CNTNAP2: variants seen among roughly 807,000 people sequenced by gnomAD.
CNTNAP2 encodes contactin-associated protein-like 2.
A neutral mutation model predicts 155.2 loss-of-function variants in CNTNAP2; 98 were observed. That is an observed-to-expected ratio of 0.63 (90% CI 0.54 to 0.75). The LOEUF (loss-of-function observed/expected upper bound fraction) is 0.75, where lower values mean the gene tolerates loss of function less well. Ranked by LOEUF, CNTNAP2 falls within the 30% of genes least tolerant of loss-of-function variation. The pLI, the probability that CNTNAP2 is intolerant of heterozygous loss-of-function variation, is 0.00. For missense variants in CNTNAP2, 1,727 were observed against 1,688.1 expected (o/e 1.02, Z -0.40); for synonymous variants, 651 against 631.2 (o/e 1.03, Z -0.47).
At chr7:147,062,343 G>T (rs1349322911) in intron 4 of CNTNAP2, among the ~76,000 whole-genome samples, 2 of 151,712 alleles carry the variant, frequency 1.3e-5, no homozygotes, top group African/African-American at 2.4e-5. Context: ...TTAATTCAAA[G>T]AATTATTCAC....
At position 148,332,339 on chromosome 7, in the gene CNTNAP2, C is replaced by G. The variant is rs1197120019; in HGVS notation, c.3476-51310C>G. Reference sequence around the variant, plus strand: ...TCTGGTTTCTGTGTGTTCCACCTTCCTATTTTATTCTTAGGATAATAGGAT... The same window carrying G: ...TCTGGTTTCTGTGTGTTCCACCTTCGTATTTTATTCTTAGGATAATAGGAT... On this transcript the variant is annotated intron_variant, in intron 21 of 23. Transcript: ENST00000361727. Among the ~76,000 whole-genome samples the G allele has an allele frequency of 2.6e-5, 4 of 152,082 alleles. No individual in the cohort carries two copies. The East Asian group carries it at 7.7e-4, about 29-fold the overall frequency.
chr7:146,583,910 T>C (rs7456095), intron 1 of CNTNAP2, among the ~76,000 whole-genome samples: 2,130 of 152,232 alleles, frequency 0.014, 36 homozygotes, highest in Middle Eastern at 0.051. Flanking sequence ...TACATAACGA[T>C]TTGGGATTGA....
intron 11 of CNTNAP2, among the ~76,000 whole-genome samples, chr7:147,492,759 T>A (rs1798632345): frequency 6.6e-6 from 1 of 152,180 alleles, no homozygotes; most frequent in Non-Finnish European, 1.5e-5. Context: ...CACTCATACT[T>A]ATAGAAGGTG....
chr7:146,750,011 G>C (rs1170706988), intron 1 of CNTNAP2, among the ~76,000 whole-genome samples: 4 of 152,052 alleles, frequency 2.6e-5, no homozygotes, highest in Non-Finnish European at 1.5e-5. Flanking sequence ...TTCTCACATA[G>C]ACTCCCAGAT....
intron 8 of CNTNAP2, among the ~76,000 whole-genome samples, chr7:147,219,225 A>G (rs907614327): frequency 5.3e-5 from 8 of 152,132 alleles, no homozygotes; most frequent in African/African-American, 1.9e-4. Flanking sequence ...GGCTATATGT[A>G]TATATGAAGG....
chr7:146,685,056 T>C (rs1272516335), intron 1 of CNTNAP2, among the ~76,000 whole-genome samples: 2 of 152,016 alleles, frequency 1.3e-5, no homozygotes, highest in East Asian at 3.9e-4. Context: ...TCATAAATAA[T>C]AAAAACAAGA....
At chr7:148,308,549 ATG>A (rs1464468477) in intron 21 of CNTNAP2, among the ~76,000 whole-genome samples, 1 of 119,810 alleles carries the variant, frequency 8.3e-6, no homozygotes, top group African/African-American at 3.1e-5. Context: ...TAACCTATTT[ATG>A]TATTTATTTA....
chr7:147,093,297 G>T (rs1484292927), intron 4 of CNTNAP2, among the ~76,000 whole-genome samples: 3 of 150,858 alleles, frequency 2.0e-5, no homozygotes, highest in Non-Finnish European at 3.0e-5. Context: ...ATGATACAAT[G>T]CAGCATTATA....
intron 14 of CNTNAP2, among the ~76,000 whole-genome samples, chr7:147,952,566 A>G (rs1243793027): frequency 5.3e-5 from 8 of 152,150 alleles, no homozygotes; most frequent in Non-Finnish European, 1.2e-4. Context: ...ATCATAATGT[A>G]TTCCTCCTGG....
chr7:146,223,887 C>T (rs1323823175), intron 1 of CNTNAP2, among the ~76,000 whole-genome samples: 3 of 152,080 alleles, frequency 2.0e-5, no homozygotes, highest in African/African-American at 7.2e-5. Context: ...CTTAAATTTC[C>T]AAACAGATTT....
chr7:146,898,510 A>AT (rs909880597), intron 3 of CNTNAP2, among the ~76,000 whole-genome samples: 5 of 139,248 alleles, frequency 3.6e-5, no homozygotes, highest in African/African-American at 6.3e-5. Context: ...AATAATAATA[A>AT]AAAAAAAAAC....
chr7:147,336,597 C>A (rs150532742), intron 9 of CNTNAP2, among the ~76,000 whole-genome samples: 1 of 152,150 alleles, frequency 6.6e-6, no homozygotes, highest in East Asian at 1.9e-4. Context: ...TCTTGGAATC[C>A]TTCTAGGATT....
intron 21 of CNTNAP2, among the ~76,000 whole-genome samples, chr7:148,319,829 G>A (rs1382286209): frequency 6.6e-6 from 1 of 151,696 alleles, no homozygotes; most frequent in East Asian, 1.9e-4. Context: ...ATTATAGTAA[G>A]TTGTATAGTT....
intron 17 of CNTNAP2, among the ~76,000 whole-genome samples, chr7:148,154,856 G>T (rs1805368933): frequency 6.6e-6 from 1 of 151,796 alleles, no homozygotes; most frequent in South Asian, 2.1e-4. Context: ...AGAATAGCTT[G>T]AACCCAGTGG....
chr7:147,739,948 G>A (rs1796927409), intron 13 of CNTNAP2, among the ~76,000 whole-genome samples: 1 of 152,094 alleles, frequency 6.6e-6, no homozygotes, highest in Non-Finnish European at 1.5e-5. Flanking sequence ...CTACCACATT[G>A]CCCAAGGCTG....
At chr7:146,696,510 G>C (rs535580272) in intron 1 of CNTNAP2, among the ~76,000 whole-genome samples, 1 of 152,066 alleles carries the variant, frequency 6.6e-6, no homozygotes, top group South Asian at 2.1e-4. Context: ...CTAATTTCCT[G>C]TTTTCAATTT....
At chr7:147,354,317 G>A (rs1314023624) in intron 9 of CNTNAP2, among the ~76,000 whole-genome samples, 1 of 152,050 alleles carries the variant, frequency 6.6e-6, no homozygotes, top group Non-Finnish European at 1.5e-5. Flanking sequence ...TTTGTATAAG[G>A]TGTAAGGAAG....
chr7:147,701,210 C>T (rs952617928), intron 13 of CNTNAP2, among the ~76,000 whole-genome samples: 1 of 152,146 alleles, frequency 6.6e-6, no homozygotes, highest in Non-Finnish European at 1.5e-5. Context: ...CTGAATATTT[C>T]TCTTCCCTTG....
intron 1 of CNTNAP2, among the ~76,000 whole-genome samples, chr7:146,360,858 C>A (rs116278681): frequency 0.013 from 2,054 of 152,266 alleles, 43 homozygotes; most frequent in African/African-American, 0.047. Context: ...TGAAGTGGCA[C>A]TTATTTCCCC....
Sources: allele counts gnomAD v4.1 joint callset (sites outside exome capture counted in the v4.1 genomes callset), GRCh38; gene constraint gnomAD v4.1.1; transcripts MANE v1.5; gene names NCBI Gene and HGNC (gene_info 2026-07-23, HGNC 2026-07-21).